TP53BP2: variants seen among roughly 807,000 people sequenced by gnomAD.
TP53BP2 encodes tumor protein p53 binding protein 2.
A neutral mutation model predicts 126.2 loss-of-function variants in TP53BP2; 62 were observed. That is an observed-to-expected ratio of 0.49 (90% CI 0.40 to 0.61). TP53BP2 has a LOEUF of 0.61. Ranked by LOEUF, TP53BP2 falls within the 20% of genes least tolerant of loss-of-function variation. The probability of loss-of-function intolerance (pLI) is 0.00; values close to 1 mark genes in which losing one functional copy is unlikely to be tolerated. For missense variants in TP53BP2, 1,215 were observed against 1,402.8 expected (o/e 0.87, Z 2.14); for synonymous variants, 485 against 502.9 (o/e 0.96, Z 0.48).
In TP53BP2 at chr1:223,796,132, C is replaced by T. The variant is rs140957045; in HGVS notation, c.2407G>A (p.Glu803Lys). 154 of 1,614,074 alleles carry T rather than the reference C, an allele frequency of 9.5e-5. No individual in the cohort carries two copies. Among genetic ancestry groups the T allele is most frequent in the East Asian group, 2.9e-4 (13 of 44,890 alleles). The change falls in exon 13 of 18, where the codon GAA becomes AAA. Residue 803 changes from glutamate (E) to lysine (K), a missense_variant. Physicochemically the swap from Glu to Lys is moderately conservative, Grantham distance 56. Around this residue, in one of 4 missense-constraint regions of TP53BP2, gnomAD observed 204 missense variants for 225.7 expected, o/e 0.90. Coordinates refer to ENST00000343537, the MANE Select transcript of TP53BP2 (RefSeq NM_001031685.3). This position sits in a 1 kb window ranked among gnomAD's most constrained non-coding sequence, Gnocchi z 4.2. ...GGAACCAGAGAGACCACCTCCTTTT[C>T]GGGCTCCACATGTAAATATGGATTC... is the stretch of plus-strand genomic sequence containing the variant. The part of the protein sequence containing the change: ...IQNPYLHVEP[E>K]KEVVSLVPES...
At chr1:223,838,946 A>T (rs1419855285) in intron 1 of TP53BP2, among the ~76,000 whole-genome samples, 1 of 152,070 alleles carries the variant, frequency 6.6e-6, no homozygotes, top group Non-Finnish European at 1.5e-5. Context: ...AAAGTTGATA[A>T]GAGAACTATC....
At chr1:223,834,272 T>A (rs1261234302) in intron 1 of TP53BP2, among the ~76,000 whole-genome samples, 1 of 152,178 alleles carries the variant, frequency 6.6e-6, no homozygotes, top group East Asian at 1.9e-4. Flanking sequence ...TGGGAACTTG[T>A]CAGAAATATA....
Position 223,814,265 on chromosome 1 carries a change from A to C in TP53BP2, c.264T>G (p.His88Gln). The C allele has an allele frequency of 6.2e-7, 1 of 1,613,856 alleles. No homozygotes were observed. The highest frequency in any genetic ancestry group is 1.7e-5 in the Admixed American group (1 of 60,026). The change falls in exon 3 of 18, where the codon CAT (histidine) becomes CAG (glutamine). Residue 88 changes from histidine to glutamine, a missense_variant. Transcript: ENST00000343537. Reference protein sequence around the residue: ...QRNEVRFFLRHERPPGRDIVS... With the variant: ...QRNEVRFFLRQERPPGRDIVS... Reference sequence around the variant, plus strand: ...CAATGTCCCTGCCAGGGGGGCGTTCATGACGAAGGAAGAAGCGAACTTCGT... The same window carrying C: ...CAATGTCCCTGCCAGGGGGGCGTTCCTGACGAAGGAAGAAGCGAACTTCGT...
intron 13 of TP53BP2, among the ~76,000 whole-genome samples, chr1:223,793,661 T>A (rs1161477543): frequency 1.3e-5 from 2 of 152,120 alleles, no homozygotes; most frequent in African/African-American, 4.8e-5. Flanking sequence ...TGGAGCAAAG[T>A]TGGAGGAACA....
Position 223,795,955 on chromosome 1 carries a change from G to A in TP53BP2, c.2584C>T (p.Pro862Ser), listed in dbSNP as rs769868087. 2 of 1,614,128 alleles carry A rather than the reference G, an allele frequency of 1.2e-6. No homozygotes were observed. The highest frequency in any genetic ancestry group is 1.1e-5 in the South Asian group (1 of 91,054). Residue 862 changes from proline (P) to serine (S), a missense_variant, in exon 13 of 18, where the codon CCA (proline) becomes TCA (serine). By Grantham distance (74) the Pro-to-Ser change is moderately conservative. Transcript: ENST00000343537. The stretch of plus-strand genomic sequence containing the variant: ...TCCAGGTACACATCAAGCACATGTG[G>A]AGCCTCTGGATTTGGTTCTTCTGGG... The part of the protein sequence containing the change: ...NNPEEPNPEA[P>S]HVLDVYLEEY...
chr1:223,784,175 G>A lies in TP53BP2; in HGVS notation c.3303C>T (p.Ile1101=), dbSNP rs146041419. 4.1e-5 allele frequency: 66 copies of A among 1,614,048 alleles called. No individual in the cohort carries two copies. Among genetic ancestry groups the A allele is most frequent in the Non-Finnish European group, 5.3e-5 (62 of 1,180,016 alleles). The change falls in exon 17 of 18, where the codon ATC becomes ATT. Residue 1101 remains isoleucine, a synonymous_variant. Transcript: ENST00000343537. The part of the protein sequence containing the change: ...TIIHREDEDE[I]EWWWARLNDK... ...CATTAAGGCGCGCCCACCACCATTC[G>A]ATTTCATCTTCGTCTTCCCTGTGGA...
intron 12 of TP53BP2, among the ~76,000 whole-genome samples, chr1:223,797,498 C>T (rs942593618): frequency 4.6e-5 from 7 of 151,916 alleles, no homozygotes; most frequent in African/African-American, 9.7e-5. Context: ...CTGCAACCTC[C>T]GCCTCCCAGG....
At chr1:223,813,776 T>A (rs895782797) in intron 3 of TP53BP2, among the ~76,000 whole-genome samples, 2 of 151,874 alleles carry the variant, frequency 1.3e-5, no homozygotes, top group Admixed American at 1.3e-4. Context: ...TCTCTCCTAA[T>A]CTCCAAAACA....
intron 1 of TP53BP2, among the ~76,000 whole-genome samples, chr1:223,830,049 A>G (rs1418702292): frequency 6.6e-6 from 1 of 152,256 alleles, no homozygotes; most frequent in East Asian, 1.9e-4. Context: ...AGATCCCACA[A>G]GACAATACAA....
chr1:223,818,959 G>A (rs1023101576), intron 2 of TP53BP2, among the ~76,000 whole-genome samples: 13 of 150,872 alleles, frequency 8.6e-5, no homozygotes, highest in African/African-American at 2.9e-4. Context: ...CCGAGGTGGC[G>A]GATCACCTGA....
chr1:223,796,422 G>C lies in TP53BP2; in HGVS notation c.2117C>G (p.Thr706Ser). The stretch of plus-strand genomic sequence containing the variant: ...ATTAGATAAGAAAGGCAGTAATTTA[G>C]TTGGGCTGAGTGGCCGAGGAATTCT... Reference protein sequence around the residue: ...NERIPRPLSPTKLLPFLSNPY... With the variant: ...NERIPRPLSPSKLLPFLSNPY... The change falls in exon 13 of 18, where the codon ACT becomes AGT. Residue 706 changes from threonine (T) to serine (S), a missense_variant. Physicochemically the swap from Thr to Ser is moderately conservative, Grantham distance 58. This residue lies in a region of TP53BP2 where 46 missense variants were observed against 93.0 expected (regional missense o/e 0.49). Coordinates refer to ENST00000343537, the MANE Select transcript of TP53BP2 (RefSeq NM_001031685.3). The surrounding 1 kb of genome is among the most constrained non-coding windows in gnomAD (Gnocchi z 4.2). The C allele has an allele frequency of 6.2e-7, 1 of 1,614,164 alleles. No individual in the cohort carries two copies.
Position 223,798,405 on chromosome 1 carries a change from A to G in TP53BP2, c.1758T>C (p.Ala586=). 2 of 1,614,194 alleles carry G rather than the reference A, an allele frequency of 1.2e-6. No homozygotes were observed. Among genetic ancestry groups the G allele is most frequent in the East Asian group, 2.2e-5 (1 of 44,880 alleles). ...GCTGGGGAGTAAAGGGCCGGACGGC[A>G]GCAGCAGGTGGACTTTCTTGCTTAG... The part of the protein sequence containing the change: ...PGSKQESPPA[A]AVRPFTPQPS... Residue 586 remains alanine (A), a synonymous_variant, in exon 12 of 18, where the codon GCT becomes GCC. Coordinates refer to ENST00000343537, the MANE Select transcript of TP53BP2 (RefSeq NM_001031685.3).
intron 4 of TP53BP2, among the ~76,000 whole-genome samples, chr1:223,809,194 T>C (rs774409729): frequency 2.6e-5 from 4 of 152,116 alleles, no homozygotes; most frequent in Admixed American, 6.6e-5. Flanking sequence ...ATACATTGTG[T>C]CCATATGCAC....
rs757520727 is a variant in TP53BP2, at chr1:223,806,826, A to G, written c.474+20T>C. The G allele has an allele frequency of 3.7e-6, 6 of 1,604,928 alleles. No homozygotes were observed. Among genetic ancestry groups the G allele is most frequent in the Non-Finnish European group, 5.1e-6 (6 of 1,173,650 alleles). ...GCGACAGAGTGAGCATTCATCTCCA[A>G]AAAAAAAGGACGATACTACCTTAGT... On this transcript the variant is annotated intron_variant, in intron 5 of 17. Transcript: ENST00000343537.
rs763522100 is a variant in TP53BP2, at chr1:223,796,111, C to T, written c.2428G>A (p.Val810Ile). ...VEPEKEVVSL[V>I]PESLSPEDVG... ...TCCTCTGGGGACAATGATTCAGGAACCAGAGAGACCACCTCCTTTTCGGGC... is the reference window on the plus strand; with the variant it reads ...TCCTCTGGGGACAATGATTCAGGAATCAGAGAGACCACCTCCTTTTCGGGC... Residue 810 changes from valine to isoleucine, a missense_variant, in exon 13 of 18, where the codon GTT becomes ATT. Physicochemically the swap from Val to Ile is conservative, Grantham distance 29 (BLOSUM62 3). Coordinates refer to ENST00000343537, the MANE Select transcript of TP53BP2 (RefSeq NM_001031685.3). This position sits in a 1 kb window ranked among gnomAD's most constrained non-coding sequence, Gnocchi z 4.2. The T allele has an allele frequency of 7.4e-6, 12 of 1,614,032 alleles. No homozygotes were observed. The highest frequency in any genetic ancestry group is 1.0e-5 in the Non-Finnish European group (12 of 1,180,038).
chr1:223,840,905 G>A (rs1320466621), intron 1 of TP53BP2, among the ~76,000 whole-genome samples: 2 of 152,160 alleles, frequency 1.3e-5, no homozygotes, highest in Non-Finnish European at 2.9e-5. Context: ...ATTTTCAAAC[G>A]TCTTTCAGCT....
chr1:223,824,529 C>A (rs951675515), intron 1 of TP53BP2, among the ~76,000 whole-genome samples: 2 of 152,172 alleles, frequency 1.3e-5, no homozygotes, highest in African/African-American at 4.8e-5. Context: ...ATTAGTTAGA[C>A]TACCTTAGGC....
Position 223,822,674 on chromosome 1 carries a change from C to A in TP53BP2, c.28-1307G>T, listed in dbSNP as rs1374388935. 6.8e-4 allele frequency among the ~76,000 whole-genome samples: 99 copies of A among 146,588 alleles called. 1 individual carries two copies. In the East Asian group the frequency reaches 0.017, roughly 25 times the overall value. ...AGACCCTGACTCAAAAAAAAAAAAA[C>A]AACAAAAAAACCTAACAATCTTGAC... On this transcript the variant is annotated intron_variant, in intron 1 of 17. Transcript: ENST00000343537.
chr1:223,784,892 T>C (rs1045739406), intron 16 of TP53BP2, among the ~76,000 whole-genome samples: 2 of 152,188 alleles, frequency 1.3e-5, no homozygotes, highest in African/African-American at 4.8e-5. Flanking sequence ...CTTCATATAA[T>C]CAACTCTAAT....
Sources: gnomAD v4.1 joint callset for allele counts (sites outside exome capture counted in the v4.1 genomes callset) on GRCh38, gnomAD v4.1.1 for gene constraint, gnomAD v4.1.1 regional missense constraint, Gnocchi (gnomAD v3.1) non-coding constraint, MANE v1.5 for transcripts, NCBI Gene and HGNC (gene_info 2026-07-23, HGNC 2026-07-21) for gene names.